The following NRXN1 variants were observed in gnomAD, a reference collection of about 807,000 sequenced individuals.
The protein encoded by NRXN1 is neurexin 1, also known as neurexin-1.
Under a neutral mutation model 150.9 loss-of-function variants are expected in NRXN1, and 39 were observed. That is an observed-to-expected ratio of 0.26 (90% confidence interval 0.20 to 0.34). The LOEUF is 0.34. Ranked by LOEUF, NRXN1 falls within the 10% of genes least tolerant of loss-of-function variation. The probability of loss-of-function intolerance (pLI) is 1.00; values close to 1 mark genes in which losing one functional copy is unlikely to be tolerated. For synonymous variants in NRXN1, 924 were observed against 757.0 expected, an observed-to-expected ratio of 1.22 and a Z score of -3.62; for missense variants, 1,815 against 1,949.9, an observed-to-expected ratio of 0.93 and a Z score of 1.30.
At chr2:50,994,179 G>T (rs1353889318) in intron 2 of NRXN1, among the ~76,000 whole-genome samples, 1 of 151,926 alleles carries the variant, frequency 6.6e-6, no homozygotes, top group East Asian at 1.9e-4. Flanking sequence ...CAGTCTTATA[G>T]AGTTGATCCC....
chr2:50,259,250 T>C (rs945499928), intron 17 of NRXN1, among the ~76,000 whole-genome samples: 1 of 151,978 alleles, frequency 6.6e-6, no homozygotes, highest in Non-Finnish European at 1.5e-5. Context: ...CTATTGAGTA[T>C]AGTCAACTTT....
chr2:50,565,968 G>C (rs1348817277), intron 8 of NRXN1, among the ~76,000 whole-genome samples: 1 of 152,092 alleles, frequency 6.6e-6, no homozygotes, highest in Non-Finnish European at 1.5e-5. Flanking sequence ...CTGCATTCTT[G>C]GGACACCAGT....
At chr2:50,165,196 C>T (rs891974007) in intron 18 of NRXN1, among the ~76,000 whole-genome samples, 4 of 152,110 alleles carry the variant, frequency 2.6e-5, no homozygotes, top group Non-Finnish European at 5.9e-5. Context: ...GGAAGAAGAA[C>T]GACAAGGTGG....
At chr2:50,135,806 T>G (rs377365864) in intron 18 of NRXN1, among the ~76,000 whole-genome samples, 47 of 152,332 alleles carry the variant, frequency 3.1e-4, no homozygotes, top group African/African-American at 1.1e-3. Flanking sequence ...GACTTTCATG[T>G]AGGAGAGAAG....
intron 9 of NRXN1, among the ~76,000 whole-genome samples, chr2:50,550,295 C>T (rs1246535227): frequency 1.3e-5 from 2 of 151,964 alleles, no homozygotes; most frequent in African/African-American, 2.4e-5. Context: ...GGTATGATCA[C>T]GGCTCACTGC....
chr2:50,411,831 G>A (rs2083205270), intron 17 of NRXN1, among the ~76,000 whole-genome samples: 4 of 152,244 alleles, frequency 2.6e-5, no homozygotes, highest in Admixed American at 2.6e-4. Context: ...ACAGCTCATT[G>A]AGAACGGGCC....
chr2:50,151,217 G>T (rs555374094), intron 18 of NRXN1, among the ~76,000 whole-genome samples: 1 of 151,696 alleles, frequency 6.6e-6, no homozygotes, highest in African/African-American at 2.4e-5. Context: ...GTTATTTAAG[G>T]TTTCTTTCCA....
At chr2:49,931,082 C>T (rs563312885) in intron 22 of NRXN1, among the ~76,000 whole-genome samples, 7 of 152,200 alleles carry the variant, frequency 4.6e-5, no homozygotes, top group South Asian at 2.1e-4. Context: ...GAGTGAGCCA[C>T]GATCATGTCA....
At chr2:50,945,594 T>C (rs1043634627) in intron 2 of NRXN1, among the ~76,000 whole-genome samples, 3 of 151,872 alleles carry the variant, frequency 2.0e-5, no homozygotes, top group African/African-American at 4.8e-5. Context: ...ATTTGGCCTA[T>C]ACACCATAGT....
intron 18 of NRXN1, among the ~76,000 whole-genome samples, chr2:50,204,363 TG>T (rs557140735): frequency 0.016 from 1,352 of 83,352 alleles, 11 homozygotes; most frequent in African/African-American, 0.023. Context: ...TGTGTGTGTG[TG>T]TGTGTGTGTA....
chr2:50,152,534 G>C (rs537902010), intron 18 of NRXN1, among the ~76,000 whole-genome samples: 2 of 151,698 alleles, frequency 1.3e-5, no homozygotes, highest in African/African-American at 4.8e-5. Context: ...TTATTTATCT[G>C]GGAATATCTT....
intron 2 of NRXN1, among the ~76,000 whole-genome samples, chr2:50,932,000 T>TACA (rs1284092795): frequency 1.3e-5 from 2 of 152,004 alleles, no homozygotes; most frequent in Non-Finnish European, 2.9e-5. Flanking sequence ...TAGCTGGGAT[T>TACA]ACAGGCACCC....
At chr2:50,358,940 AGGGTCT>A (rs2079003328) in intron 17 of NRXN1, among the ~76,000 whole-genome samples, 2 of 152,224 alleles carry the variant, frequency 1.3e-5, no homozygotes, top group South Asian at 4.1e-4. Context: ...CCAGGCAAAC[AGGGTCT>A]GGAGCGGACC....
chr2:50,409,832 C>G (rs1358314645), intron 17 of NRXN1, among the ~76,000 whole-genome samples: 1 of 152,092 alleles, frequency 6.6e-6, no homozygotes, highest in Admixed American at 6.5e-5. Context: ...TATGATTAGG[C>G]AATTCTTTAT....
chr2:50,287,190 TG>T (rs910251089), intron 17 of NRXN1, among the ~76,000 whole-genome samples: 5 of 152,162 alleles, frequency 3.3e-5, no homozygotes, highest in African/African-American at 9.6e-5. Context: ...TTACATGTTT[TG>T]TGTACCTAGG....
intron 5 of NRXN1, among the ~76,000 whole-genome samples, chr2:50,723,500 G>A (rs1458778800): frequency 2.0e-5 from 3 of 152,182 alleles, no homozygotes; most frequent in Non-Finnish European, 2.9e-5. Context: ...GTGGAAAGTC[G>A]GGATTATTAA....
At position 50,726,538 on chromosome 2, in the gene NRXN1, G is replaced by A. The variant is rs1347555464; in HGVS notation, c.833-102923C>T. On this transcript the variant is annotated intron_variant, in intron 5 of 22. Transcript: ENST00000401669. ...AAAACTATTTTAATTGTGCTACACTGTTAACTTATTTAATTCTTCATTGTG... is the reference window on the plus strand; with the variant it reads ...AAAACTATTTTAATTGTGCTACACTATTAACTTATTTAATTCTTCATTGTG... Among the ~76,000 whole-genome samples the A allele has an allele frequency of 2.0e-5, 3 of 152,138 alleles. No individual in the cohort carries two copies. The South Asian group carries it at 6.2e-4, about 32-fold the overall frequency.
intron 21 of NRXN1, among the ~76,000 whole-genome samples, chr2:49,981,564 T>G (rs1679995679): frequency 6.6e-6 from 1 of 152,064 alleles, no homozygotes; most frequent in Non-Finnish European, 1.5e-5. Flanking sequence ...CCGCTCTTGA[T>G]AATGACCCAA....
At chr2:50,681,750 C>A (rs1311931887) in intron 5 of NRXN1, among the ~76,000 whole-genome samples, 1 of 152,164 alleles carries the variant, frequency 6.6e-6, no homozygotes, top group Admixed American at 6.5e-5. Context: ...ATATACTGGG[C>A]AGCCATGCCA....
Sources: allele counts gnomAD v4.1 joint callset (sites outside exome capture counted in the v4.1 genomes callset), GRCh38; gene constraint gnomAD v4.1.1; transcripts MANE v1.5; gene names NCBI Gene and HGNC (gene_info 2026-07-23, HGNC 2026-07-21).